Variants in PKP1 observed in about 807,000 individuals in gnomAD.
PKP1 encodes plakophilin 1.
In PKP1, 27 loss-of-function variants were observed where a neutral mutation model predicts 76.4. The observed-to-expected ratio is 0.35, with a 90% CI of 0.26 to 0.49. PKP1 has a LOEUF of 0.49. PKP1 is among the 20% of genes least tolerant of loss of function. The pLI is 0.99. For missense variants in PKP1, 964 were observed against 955.2 expected (o/e 1.01, Z -0.12); for synonymous variants, 404 against 384.2 (o/e 1.05, Z -0.60).
In PKP1 at chr1:201,313,524, A is replaced by G. The variant is rs1297579127; in HGVS notation, c.665A>G (p.Lys222Arg). 9.9e-6 allele frequency: 16 copies of G among 1,613,918 alleles called. No individual in the cohort carries two copies. The highest frequency in any genetic ancestry group is 1.4e-5 in the Non-Finnish European group (16 of 1,179,998). Reference sequence around the variant, plus strand: ...TATATCCCGCCCATCTCCTGCAACAAGGACCTGTCCTTTGGCCACTCTAGG... The same window carrying G: ...TATATCCCGCCCATCTCCTGCAACAGGGACCTGTCCTTTGGCCACTCTAGG... Reference protein sequence around the residue: ...PVYIPPISCNKDLSFGHSRAS... With the variant: ...PVYIPPISCNRDLSFGHSRAS... The change falls in exon 3 of 14, where the codon AAG becomes AGG. Residue 222 changes from lysine to arginine, a missense_variant. Physicochemically the swap from Lys to Arg is conservative, Grantham distance 26 (BLOSUM62 2). Coordinates refer to ENST00000367324, the MANE Select transcript of PKP1 (RefSeq NM_001005337.3).
intron 3 of PKP1, among the ~76,000 whole-genome samples, chr1:201,315,219 T>A (rs2102175393): frequency 6.6e-6 from 1 of 152,276 alleles, no homozygotes; most frequent in South Asian, 2.1e-4. Context: ...ATGGAAGGGA[T>A]GAGTGTCAAG....
chr1:201,319,954 G>T (rs1208662083), intron 6 of PKP1: 2 of 1,492,620 alleles, frequency 1.3e-6, no homozygotes, highest in Non-Finnish European at 1.9e-6. Flanking sequence ...ACTGGGCAGA[G>T]TGAAGGAGGA....
At chr1:201,310,270 C>T (rs1779304) in intron 2 of PKP1, among the ~76,000 whole-genome samples, 135,810 of 152,322 alleles carry the variant, frequency 0.89, 61,068 homozygotes, top group East Asian at 1. Context: ...CATTAGTTCA[C>T]TGGATTCTCC....
At chr1:201,302,884 A>G (rs1039815854) in intron 2 of PKP1, among the ~76,000 whole-genome samples, 1 of 152,242 alleles carries the variant, frequency 6.6e-6, no homozygotes, top group Non-Finnish European at 1.5e-5. Context: ...GCCTTCCTTC[A>G]GAAGAAGCCT....
intron 1 of PKP1, among the ~76,000 whole-genome samples, chr1:201,291,867 T>A (rs530645681): frequency 1.3e-5 from 2 of 152,212 alleles, no homozygotes; most frequent in Non-Finnish European, 2.9e-5. Context: ...TGCAGCCCCC[T>A]TCCTTGGGAG....
chr1:201,323,766 G>A (rs1657021872), intron 9 of PKP1, among the ~76,000 whole-genome samples: 1 of 152,172 alleles, frequency 6.6e-6, no homozygotes, highest in Non-Finnish European at 1.5e-5. Flanking sequence ...AGCAGCACTA[G>A]AGTAGACCGA....
intron 8 of PKP1, among the ~76,000 whole-genome samples, chr1:201,322,537 C>T (rs1239987109): frequency 2.0e-5 from 3 of 152,174 alleles, no homozygotes; most frequent in Non-Finnish European, 4.4e-5. Flanking sequence ...CAGGTTTCCC[C>T]AGAAGCAGAA....
intron 1 of PKP1, among the ~76,000 whole-genome samples, chr1:201,284,467 G>C (rs1031432856): frequency 2.0e-5 from 3 of 152,250 alleles, no homozygotes; most frequent in Non-Finnish European, 4.4e-5. Context: ...TCCGCGAGCG[G>C]GGTGAGGGAG....
intron 2 of PKP1, among the ~76,000 whole-genome samples, chr1:201,294,433 C>T (rs1656018969): frequency 6.6e-6 from 1 of 152,140 alleles, no homozygotes. Context: ...CGTTCTGTGC[C>T]TATGGTCAAA....
intron 11 of PKP1, 77 bp downstream of exon 11, chr1:201,325,204 G>A (rs995831719): frequency 2.4e-5 from 34 of 1,443,026 alleles, no homozygotes; most frequent in African/African-American, 8.4e-5. Flanking sequence ...AAGCAGTCCC[G>A]CAGCTCTCCA....
At chr1:201,297,012 C>T (rs184148787) in intron 2 of PKP1, among the ~76,000 whole-genome samples, 15 of 152,210 alleles carry the variant, frequency 9.9e-5, no homozygotes, top group African/African-American at 3.4e-4. Flanking sequence ...AAAGAAGGCT[C>T]TAAAAATATT....
chr1:201,306,492 A>G (rs1656370564), intron 2 of PKP1, among the ~76,000 whole-genome samples: 1 of 152,254 alleles, frequency 6.6e-6, no homozygotes, highest in Non-Finnish European at 1.5e-5. Flanking sequence ...CCCGCAAGCT[A>G]CAAAGTTTTA....
rs2268151 is a variant in PKP1 at position 201,291,135 on chromosome 1, G to C, written c.203-2807G>C. Reference sequence around the variant, plus strand: ...TGATTTCAGGTGTGTGACAACTATGGACTTTTCCCCTCTCTCACCACCTCC... The same window carrying C: ...TGATTTCAGGTGTGTGACAACTATGCACTTTTCCCCTCTCTCACCACCTCC... On this transcript the variant is annotated intron_variant, in intron 1 of 13. Coordinates refer to ENST00000367324, the MANE Select transcript of PKP1 (RefSeq NM_001005337.3). Among the ~76,000 whole-genome samples, 606 of 152,248 alleles carry C rather than the reference G, an allele frequency of 4.0e-3. 6 individuals are homozygous for C. The highest frequency in any genetic ancestry group is 0.035 in the East Asian group (181 of 5,160).
rs183009669 is a variant in PKP1, at chr1:201,332,619, C to T, written c.*2578C>T. The T allele has an allele frequency of 2.5e-5, 3 of 118,916 alleles. No individual in the cohort carries two copies. The highest frequency in any genetic ancestry group is 2.3e-4 in the Admixed American group (3 of 13,094). 7.4% of individuals were successfully genotyped at this position (118,916 alleles called of 1,614,324 possible). On this transcript the variant is annotated 3_prime_UTR_variant, in exon 14 of 14. Transcript: ENST00000367324. ...AAGGACACAGACTCTGCCCTGGGATCTCCTGTGCTAGCGGCCAATGACAAA... is the reference window on the plus strand; with the variant it reads ...AAGGACACAGACTCTGCCCTGGGATTTCCTGTGCTAGCGGCCAATGACAAA...
intron 2 of PKP1, among the ~76,000 whole-genome samples, chr1:201,304,527 CAT>C (rs1212772639): frequency 1.3e-5 from 2 of 152,210 alleles, no homozygotes; most frequent in African/African-American, 4.8e-5. Context: ...GGTCTTTGGG[CAT>C]TAGAATTGTG....
rs566893599 is a variant in PKP1 at position 201,316,801 on chromosome 1, C to A, written c.846+104C>A. 1.0e-4 allele frequency: 130 copies of A among 1,299,386 alleles called. No individual in the cohort carries two copies. In the African/African-American group the frequency reaches 1.8e-3, roughly 18 times the overall value. 80.5% of individuals were successfully genotyped at this position (1,299,386 alleles called of 1,614,324 possible). ...GGGTGAGGGCATCTGCAGTTGGCTT[C>A]TCTTGCCTTGCCCAGCTGCCAGGAG... On this transcript the variant is annotated intron_variant, in intron 4 of 13. Coordinates refer to ENST00000367324, the MANE Select transcript of PKP1 (RefSeq NM_001005337.3).
chr1:201,327,922 G>A (rs1157740743), intron 12 of PKP1, among the ~76,000 whole-genome samples: 2 of 152,152 alleles, frequency 1.3e-5, no homozygotes, highest in Non-Finnish European at 2.9e-5. Context: ...AGCCATGCTC[G>A]ACAGGAATGA....
At chr1:201,285,637 C>T (rs1225014571) in intron 1 of PKP1, among the ~76,000 whole-genome samples, 1 of 152,236 alleles carries the variant, frequency 6.6e-6, no homozygotes, top group Non-Finnish European at 1.5e-5. Flanking sequence ...TGGCTGTCCC[C>T]TTCCCACTCC....
intron 1 of PKP1, among the ~76,000 whole-genome samples, chr1:201,287,016 T>A (rs1390883112): frequency 6.6e-6 from 1 of 152,154 alleles, no homozygotes; most frequent in Non-Finnish European, 1.5e-5. Context: ...GAAAGGAGCT[T>A]CCTTTCACCT....
Sources: allele counts gnomAD v4.1 joint callset (sites outside exome capture counted in the v4.1 genomes callset), GRCh38; gene constraint gnomAD v4.1.1; transcripts MANE v1.5; gene names NCBI Gene and HGNC (gene_info 2026-07-23, HGNC 2026-07-21).